ZNF618: variants seen among roughly 807,000 people sequenced by gnomAD.
ZNF618 encodes the protein neural precursor cell expressed, developmentally down-regulated 10.
A neutral mutation model predicts 103.0 loss-of-function variants in ZNF618; 34 were observed. The observed-to-expected ratio is 0.33, with a 90% CI of 0.25 to 0.44. The LOEUF (loss-of-function observed/expected upper bound fraction) is 0.44, where lower values mean the gene tolerates loss of function less well. Ranked by LOEUF, ZNF618 falls within the 20% of genes least tolerant of loss-of-function variation. The probability of loss-of-function intolerance (pLI) is 1.00; values close to 1 mark genes in which losing one functional copy is unlikely to be tolerated. For synonymous variants in ZNF618, 551 were observed against 542.2 expected, an observed-to-expected ratio of 1.02 and a Z score of -0.23; for missense variants, 1,059 against 1,295.4, an observed-to-expected ratio of 0.82 and a Z score of 2.80.
chr9:113,965,673 T>TA (rs762410048), intron 1 of ZNF618, among the ~76,000 whole-genome samples: 3 of 152,162 alleles, frequency 2.0e-5, no homozygotes, highest in African/African-American at 7.2e-5. Flanking sequence ...CCCCATTTTT[T>TA]ACCTATGGAG....
chr9:113,995,812 C>T (rs1840534739), intron 3 of ZNF618, among the ~76,000 whole-genome samples: 1 of 152,112 alleles, frequency 6.6e-6, no homozygotes, highest in African/African-American at 2.4e-5. Context: ...ATTGTAGGGT[C>T]ACCTCTTTGC....
At chr9:113,916,807 C>T (rs923515104) in intron 1 of ZNF618, among the ~76,000 whole-genome samples, 1 of 152,254 alleles carries the variant, frequency 6.6e-6, no homozygotes, top group Non-Finnish European at 1.5e-5. Context: ...AAACATTGCT[C>T]TGTCCCAATT....
At chr9:113,904,380 C>CTA (rs1198370189) in intron 1 of ZNF618, among the ~76,000 whole-genome samples, 1 of 151,964 alleles carries the variant, frequency 6.6e-6, no homozygotes, top group East Asian at 1.9e-4. Flanking sequence ...TCCATAAAGT[C>CTA]TATCATATGT....
chr9:113,970,686 G>A (rs1353840049), intron 2 of ZNF618, among the ~76,000 whole-genome samples: 1 of 151,796 alleles, frequency 6.6e-6, no homozygotes, highest in Non-Finnish European at 1.5e-5. Context: ...TTTCAGATCT[G>A]GAGTCAGTTC....
intron 2 of ZNF618, among the ~76,000 whole-genome samples, chr9:113,970,684 C>A (rs1837876047): frequency 6.6e-6 from 1 of 151,952 alleles, no homozygotes; most frequent in South Asian, 2.1e-4. Context: ...TCTTTCAGAT[C>A]TGGAGTCAGT....
intron 1 of ZNF618, among the ~76,000 whole-genome samples, chr9:113,889,751 C>G (rs1054118063): frequency 2.0e-5 from 3 of 152,204 alleles, no homozygotes. Flanking sequence ...ACCCACTCAC[C>G]CATTCCATCT....
At chr9:114,006,820 G>C (rs956632606) in intron 6 of ZNF618, among the ~76,000 whole-genome samples, 1 of 152,076 alleles carries the variant, frequency 6.6e-6, no homozygotes, top group African/African-American at 2.4e-5. Context: ...ACCCTGCTAG[G>C]GTTCTGTCCT....
chr9:113,904,806 G>T (rs1235940227), intron 1 of ZNF618, among the ~76,000 whole-genome samples: 1 of 152,168 alleles, frequency 6.6e-6, no homozygotes, highest in African/African-American at 2.4e-5. Flanking sequence ...ACATTGGGCA[G>T]AGTTCTTCTC....
intron 9 of ZNF618, among the ~76,000 whole-genome samples, chr9:114,013,863 C>T (rs967066859): frequency 3.9e-5 from 6 of 152,300 alleles, no homozygotes; most frequent in African/African-American, 1.4e-4. Context: ...AATGTATATT[C>T]TTAGGCCCTA....
Position 114,028,915 on chromosome 9 carries a change from C to A in ZNF618, c.1027C>A (p.Gln343Lys). The A allele has an allele frequency of 6.4e-7, 1 of 1,550,696 alleles. No individual in the cohort carries two copies. The highest frequency in any genetic ancestry group is 8.7e-7 in the Non-Finnish European group (1 of 1,146,916). ...TLLHRTPPAT[Q>K]TQTFRTPNSG... ...CTTACACCGCACCCCTCCAGCCACC[C>A]AAACCCAGACGTTCCGCACTCCAAA... Residue 343 changes from glutamine (Q) to lysine (K), a missense_variant, in exon 11 of 15, where the codon CAA (glutamine) becomes AAA (lysine). Physicochemically the swap from Gln to Lys is moderately conservative, Grantham distance 53. Coordinates refer to ENST00000374126, the MANE Select transcript of ZNF618 (RefSeq NM_001318042.2).
intron 1 of ZNF618, among the ~76,000 whole-genome samples, chr9:113,882,705 C>T (rs1268980750): frequency 1.3e-5 from 2 of 152,216 alleles, no homozygotes; most frequent in African/African-American, 4.8e-5. Flanking sequence ...GGATTTGTTT[C>T]TGAGCCTGTG....
chr9:113,896,951 G>A (rs1275181979), intron 1 of ZNF618, among the ~76,000 whole-genome samples: 1 of 151,962 alleles, frequency 6.6e-6, no homozygotes, highest in East Asian at 1.9e-4. Context: ...TAATTCTAGA[G>A]ATTTTTATGA....
intron 1 of ZNF618, among the ~76,000 whole-genome samples, chr9:113,912,855 TA>T (rs1240762851): frequency 1.3e-5 from 2 of 152,176 alleles, no homozygotes; most frequent in Non-Finnish European, 2.9e-5. Flanking sequence ...ACCAGCGCTT[TA>T]ACATCCCTTT....
At position 113,963,627 on chromosome 9, in the gene ZNF618, G is replaced by C. The variant is rs956788074; in HGVS notation, c.34-5490G>C. Among the ~76,000 whole-genome samples, 4 of 152,300 alleles carry C rather than the reference G, an allele frequency of 2.6e-5. No individual in the cohort carries two copies. In the East Asian group the frequency reaches 7.7e-4, roughly 29 times the overall value. ...AGTAGGTTTCCAAGAACTATCTGCTGAGTGAATAAAGGAATGATTAATTAT... is the reference window on the plus strand; with the variant it reads ...AGTAGGTTTCCAAGAACTATCTGCTCAGTGAATAAAGGAATGATTAATTAT... On this transcript the variant is annotated intron_variant, in intron 1 of 14. Transcript: ENST00000374126.
At position 114,053,638 on chromosome 9, in the gene ZNF618, C is replaced by T. The variant is rs919578914; in HGVS notation, c.*3471C>T. On this transcript the variant is annotated 3_prime_UTR_variant, in exon 15 of 15. Coordinates refer to ENST00000374126, the MANE Select transcript of ZNF618 (RefSeq NM_001318042.2). ...AACTGCAGCGTTGAGGGTTGTCCCT[C>T]GGAGTGGAGTAGCCCAAGGAATCTC... 5 of 152,342 alleles carry T rather than the reference C, an allele frequency of 3.3e-5. No individual in the cohort carries two copies. Among genetic ancestry groups the T allele is most frequent in the African/African-American group, 9.6e-5 (4 of 41,564 alleles). The allele number at this position is 152,342 out of a possible 1,614,324, so 9.4% of individuals were successfully genotyped here.
chr9:113,951,460 C>T (rs375227919), intron 1 of ZNF618, among the ~76,000 whole-genome samples: 6 of 18,268 alleles, frequency 3.3e-4, no homozygotes, highest in African/African-American at 9.8e-4. Flanking sequence ...TGTATATATA[C>T]ATATATGTGT....
At chr9:114,016,118 A>C in intron 9 of ZNF618, 1 of 1,611,708 alleles carries the variant, frequency 6.2e-7, no homozygotes, top group Non-Finnish European at 8.5e-7. Context: ...CCCAGTGAAC[A>C]ATATTACATC....
At position 114,035,137 on chromosome 9, in the gene ZNF618, T is replaced by C; in HGVS notation, c.1169-1163T>C. ...TTATTAAGAATAAAAATTATGACTA[T>C]CAGCACAGAACAGCAGAACTAGAAG... On this transcript the variant is annotated intron_variant, in intron 12 of 14. Coordinates refer to ENST00000374126, the MANE Select transcript of ZNF618 (RefSeq NM_001318042.2). The C allele has an allele frequency of 4.1e-6, 4 of 980,848 alleles. No homozygotes were observed. In the South Asian group the frequency reaches 1.4e-4, roughly 35 times the overall value. 60.8% of individuals were successfully genotyped at this position (980,848 alleles called of 1,614,324 possible).
At chr9:113,991,727 C>G (rs965217772) in intron 3 of ZNF618, among the ~76,000 whole-genome samples, 1 of 152,200 alleles carries the variant, frequency 6.6e-6, no homozygotes, top group Admixed American at 6.5e-5. Context: ...GTTTTCTCCC[C>G]TGGGAACTGG....
Sources: allele counts gnomAD v4.1 joint callset (sites outside exome capture counted in the v4.1 genomes callset), GRCh38; gene constraint gnomAD v4.1.1; transcripts MANE v1.5; gene names NCBI Gene and HGNC (gene_info 2026-07-23, HGNC 2026-07-21).